YKT6: variants seen among roughly 807,000 people sequenced by gnomAD.
YKT6 encodes the protein YKT6 vesicular SNARE protein.
A neutral mutation model predicts 29.3 loss-of-function variants in YKT6; 12 were observed. The observed-to-expected ratio is 0.41, with a 90% CI of 0.26 to 0.66. The LOEUF (loss-of-function observed/expected upper bound fraction) is 0.66, where lower values mean the gene tolerates loss of function less well. Among genes scored for constraint, YKT6 ranks in the 30% least tolerant of loss-of-function variants. The pLI is 0.32. For synonymous variants in YKT6, 86 were observed against 94.3 expected (o/e 0.91, Z 0.51); for missense variants, 188 against 243.8 (o/e 0.77, Z 1.52).
intron 5 of YKT6, 70 bp from the exon 6 acceptor site, chr7:44,210,953 C>T: frequency 1.9e-6 from 3 of 1,542,938 alleles, no homozygotes; most frequent in Non-Finnish European, 2.7e-6. Context: ...TCCCCCATGA[C>T]TGAAATATGA....
At position 44,206,503 on chromosome 7, in the gene YKT6, C is replaced by T. The variant is rs1583646830; in HGVS notation, c.288+18C>T. The T allele has an allele frequency of 1.9e-6, 3 of 1,606,256 alleles. No individual in the cohort carries two copies. The South Asian group carries it at 3.3e-5, about 18-fold the overall frequency. On this transcript the variant is annotated intron_variant, in intron 3 of 6. Coordinates refer to ENST00000223369, the MANE Select transcript of YKT6 (RefSeq NM_006555.4). ...TGGAGAAGGTGAGTTTTTTATTTGC[C>T]TCTCCTGGACTTGGATGATGAATGG...
intron 5 of YKT6, among the ~76,000 whole-genome samples, chr7:44,210,219 T>A (rs2096345182): frequency 6.6e-6 from 1 of 152,212 alleles, no homozygotes; most frequent in Non-Finnish European, 1.5e-5. Context: ...GCCTTTTGTT[T>A]CCTGTGGCTG....
At chr7:44,207,774 TG>T (rs199896409) in intron 4 of YKT6, among the ~76,000 whole-genome samples, 7,408 of 152,146 alleles carry the variant, frequency 0.049, 214 homozygotes, top group Non-Finnish European at 0.063. Flanking sequence ...TTTCCCAGGC[TG>T]GAGTGCAGTG....
chr7:44,201,294 G>C, intron 1 of YKT6, 55 bp downstream of exon 1: 1 of 1,547,776 alleles, frequency 6.5e-7, no homozygotes, highest in Non-Finnish European at 8.8e-7. Context: ...ACTGGGGTGG[G>C]GGTCCGAGTC....
At position 44,212,939 on chromosome 7, in the gene YKT6, C is replaced by T. The variant is rs1215718559; in HGVS notation, c.*657C>T. 1 of 152,248 alleles carries T rather than the reference C, an allele frequency of 6.6e-6. No individual in the cohort carries two copies. The highest frequency in any genetic ancestry group is 1.5e-5 in the Non-Finnish European group (1 of 68,052). 9.4% of individuals were successfully genotyped at this position (152,248 alleles called of 1,614,324 possible). A position where few individuals can be genotyped will look rare whatever the true frequency, so the allele number is the denominator to read the frequency against. ...GGCCCATCCTAAGCAGCTTCCAAGT[C>T]CCACAAAGGTGGCTTGTGGGAGGAT... On this transcript the variant is annotated 3_prime_UTR_variant, in exon 7 of 7. Coordinates refer to ENST00000223369, the MANE Select transcript of YKT6 (RefSeq NM_006555.4).
Position 44,208,207 on chromosome 7 carries a change from G to C in YKT6, c.459+9G>C. The C allele has an allele frequency of 1.2e-6, 2 of 1,613,900 alleles. No individual in the cohort carries two copies. Among genetic ancestry groups the C allele is most frequent in the Non-Finnish European group, 1.7e-6 (2 of 1,179,902 alleles). On this transcript the variant is annotated intron_variant, in intron 5 of 6. Transcript: ENST00000223369. ...AGACCAAAATCATTCTGGTAAGCAG[G>C]AAGATGGAGAGCAAGCCCAAGAACT...
intron 5 of YKT6, 116 bp from the exon 6 acceptor site, chr7:44,210,907 T>C (rs1454642502): frequency 2.1e-6 from 2 of 967,618 alleles, no homozygotes; most frequent in Non-Finnish European, 3.3e-6. Context: ...GAGGTGAAGT[T>C]TGTGTGTGTT....
At chr7:44,209,655 G>A (rs1271687172) in intron 5 of YKT6, among the ~76,000 whole-genome samples, 2 of 152,242 alleles carry the variant, frequency 1.3e-5, no homozygotes, top group Admixed American at 6.5e-5. Flanking sequence ...TGTGTGTAGG[G>A]ATGAAGGACA....
rs531266934 is a variant in YKT6, at chr7:44,207,414, C to T, written c.315C>T (p.Val105=). The T allele has an allele frequency of 9.3e-6, 15 of 1,614,010 alleles. No individual in the cohort carries two copies. Among genetic ancestry groups the T allele is most frequent in the African/African-American group, 2.7e-5 (2 of 75,010 alleles). Residue 105 remains valine, a synonymous_variant, in exon 4 of 7, where the codon GTC becomes GTT. Transcript: ENST00000223369. ...TACTAGATGAATTCTCCAAGCAAGT[C>T]GACAGGATAGACTGGCCAGTAGGAT... ...EKVLDEFSKQ[V]DRIDWPVGSP...
chr7:44,206,982 A>G (rs1403042887), intron 3 of YKT6, among the ~76,000 whole-genome samples: 1 of 152,172 alleles, frequency 6.6e-6, no homozygotes, highest in Non-Finnish European at 1.5e-5. Flanking sequence ...CAGAGCACCA[A>G]AATACCTCCA....
Position 44,209,497 on chromosome 7 carries a change from G to A in YKT6, c.459+1299G>A, listed in dbSNP as rs561481122. ...CTAGTCTGAGTACCATGACACCTGGGACACCCGCTGTTTCTCCTCTCCCCA... is the reference window on the plus strand; with the variant it reads ...CTAGTCTGAGTACCATGACACCTGGAACACCCGCTGTTTCTCCTCTCCCCA... On this transcript the variant is annotated intron_variant, in intron 5 of 6. Coordinates refer to ENST00000223369, the MANE Select transcript of YKT6 (RefSeq NM_006555.4). 5.3e-5 allele frequency among the ~76,000 whole-genome samples: 8 copies of A among 152,298 alleles called. No homozygotes were observed. In the East Asian group the frequency reaches 1.5e-3, roughly 29 times the overall value.
chr7:44,201,272 C>G (rs1379402602), intron 1 of YKT6, 33 bp downstream of exon 1: 2 of 1,357,300 alleles, frequency 1.5e-6, no homozygotes. Flanking sequence ...CCGTGGCGGT[C>G]GGGCGGAGAG....
At position 44,204,633 on chromosome 7, in the gene YKT6, C is replaced by T. The variant is rs780632333; in HGVS notation, c.170C>T (p.Ala57Val). ...IVERSSKGTR[A>V]SVKEQDYLCH... Reference sequence around the variant, plus strand: ...GAGCGCTCATCGAAAGGCACTAGAGCTTCTGTCAAAGAACAAGGTAAGAAG... The same window carrying T: ...GAGCGCTCATCGAAAGGCACTAGAGTTTCTGTCAAAGAACAAGGTAAGAAG... Residue 57 changes from alanine (A) to valine (V), a missense_variant, in exon 2 of 7, where the codon GCT becomes GTT. Around this residue, in one of 3 missense-constraint regions of YKT6, gnomAD observed 100 missense variants for 136.3 expected, o/e 0.73. Coordinates refer to ENST00000223369, the MANE Select transcript of YKT6 (RefSeq NM_006555.4). The T allele has an allele frequency of 6.2e-7, 1 of 1,614,236 alleles. No individual in the cohort carries two copies.
intron 5 of YKT6, among the ~76,000 whole-genome samples, chr7:44,209,466 C>G (rs1414884603): frequency 6.6e-6 from 1 of 152,208 alleles, no homozygotes; most frequent in Non-Finnish European, 1.5e-5. Context: ...TTCTGTTGCT[C>G]AAGTCCTAGT....
chr7:44,207,582 ATTAC>A (rs1158171839), intron 4 of YKT6, 90 bp downstream of exon 4: 1 of 1,102,962 alleles, frequency 9.1e-7, no homozygotes, highest in Non-Finnish European at 1.3e-6. Flanking sequence ...TTCTGGTCTA[ATTAC>A]TTCTGACAGC....
At position 44,207,427 on chromosome 7, in the gene YKT6, T is replaced by C. The variant is rs755707761; in HGVS notation, c.328T>C (p.Trp110Arg). ...EFSKQVDRID[W>R]PVGSPATIHY... ...CTCCAAGCAAGTCGACAGGATAGACTGGCCAGTAGGATCCCCTGCTACAAT... is the reference window on the plus strand; with the variant it reads ...CTCCAAGCAAGTCGACAGGATAGACCGGCCAGTAGGATCCCCTGCTACAAT... Residue 110 changes from tryptophan (W) to arginine (R), a missense_variant, in exon 4 of 7, where the codon TGG becomes CGG. Trp to Arg is a moderately radical substitution (Grantham distance 101). Coordinates refer to ENST00000223369, the MANE Select transcript of YKT6 (RefSeq NM_006555.4). 1 of 1,614,116 alleles carries C rather than the reference T, an allele frequency of 6.2e-7. No homozygotes were observed. The highest frequency in any genetic ancestry group is 8.5e-7 in the Non-Finnish European group (1 of 1,179,982).
chr7:44,207,254 C>T, intron 3 of YKT6, 134 bp from the exon 4 acceptor site: 1 of 608,572 alleles, frequency 1.6e-6, no homozygotes, highest in South Asian at 2.3e-5. Context: ...TATATGTCCC[C>T]CTCATTCCTC....
At chr7:44,206,212 G>T (rs1382081516) in intron 2 of YKT6, among the ~76,000 whole-genome samples, 173 bp from the exon 3 acceptor site, 1 of 152,352 alleles carries the variant, frequency 6.6e-6, no homozygotes, top group East Asian at 1.9e-4. Context: ...CCAAGCTCCT[G>T]TGTGTGGCCC....
Position 44,207,472 on chromosome 7 carries a change from G to T in YKT6, c.373G>T (p.Gly125Cys). 6.2e-7 allele frequency: 1 copy of T among 1,614,076 alleles called. No individual in the cohort carries two copies. The highest frequency in any genetic ancestry group is 8.5e-7 in the Non-Finnish European group (1 of 1,179,966). ...PATIHYPALD[G>C]HLSRYQNPRE... ...TACAATCCATTACCCAGCCCTGGAT[G>T]GTCACCTCAGTAGATACCAGGTAGG... The change falls in exon 4 of 7, where the codon GGT (glycine) becomes TGT (cysteine). Residue 125 changes from glycine to cysteine, a missense_variant. Physicochemically the swap from Gly to Cys is radical, Grantham distance 159. This residue lies in a region of YKT6 where 100 missense variants were observed against 136.3 expected (regional missense o/e 0.73). Transcript: ENST00000223369.
Sources: allele counts gnomAD v4.1 joint callset (sites outside exome capture counted in the v4.1 genomes callset), GRCh38; gene constraint gnomAD v4.1.1; regional missense constraint gnomAD v4.1.1; transcripts MANE v1.5; gene names NCBI Gene and HGNC (gene_info 2026-07-23, HGNC 2026-07-21).